WNT9B: variants seen among roughly 807,000 people sequenced by gnomAD.
WNT9B encodes Wnt family member 9B.
WNT9B carries 12 observed loss-of-function variants against 30.2 expected under a neutral mutation model. That is an observed-to-expected ratio of 0.40 (90% CI 0.26 to 0.64). The LOEUF (loss-of-function observed/expected upper bound fraction) is 0.64. WNT9B is among the 30% of genes least tolerant of loss of function. WNT9B has a pLI of 0.42. For synonymous variants in WNT9B, 218 were observed against 216.9 expected, an observed-to-expected ratio of 1.01 and a Z score of -0.05; for missense variants, 442 against 485.2, an observed-to-expected ratio of 0.91 and a Z score of 0.84.
intron 1 of WNT9B, among the ~76,000 whole-genome samples, chr17:46,842,188 C>A (rs997285161): frequency 6.6e-6 from 1 of 152,326 alleles, no homozygotes; most frequent in South Asian, 2.1e-4. Context: ...CAGGCCACTT[C>A]GCCTCTCTGT....
chr17:46,871,818 C>A (rs539772213), intron 1 of WNT9B, among the ~76,000 whole-genome samples: 1 of 152,338 alleles, frequency 6.6e-6, no homozygotes, highest in East Asian at 1.9e-4. Context: ...TCTAACCATC[C>A]ATCAGTCCTT....
At chr17:46,871,687 A>C (rs1255638630) in intron 1 of WNT9B, among the ~76,000 whole-genome samples, 1 of 152,222 alleles carries the variant, frequency 6.6e-6, no homozygotes, top group East Asian at 1.9e-4. Flanking sequence ...TCAAGATTGC[A>C]TAGCTAGAAC....
At chr17:46,859,961 T>C (rs962590269) in intron 1 of WNT9B, among the ~76,000 whole-genome samples, 2 of 152,236 alleles carry the variant, frequency 1.3e-5, no homozygotes, top group Admixed American at 1.3e-4. Flanking sequence ...ATTGTTTTTA[T>C]TTTTAATAAA....
intron 1 of WNT9B, among the ~76,000 whole-genome samples, chr17:46,835,060 T>A (rs1237797606): frequency 6.6e-6 from 1 of 152,186 alleles, no homozygotes; most frequent in African/African-American, 2.4e-5. Flanking sequence ...AGTAGTGCGA[T>A]CAGTGCTCAC....
chr17:46,876,832 G>A lies in WNT9B; in HGVS notation c.*114G>A. 1 of 1,437,418 alleles carries A rather than the reference G, an allele frequency of 7.0e-7. No homozygotes were observed. Among genetic ancestry groups the A allele is most frequent in the Non-Finnish European group, 9.2e-7 (1 of 1,091,300 alleles). The allele number at this position is 1,437,418 out of a possible 1,614,324, so 89.0% of individuals were successfully genotyped here. On this transcript the variant is annotated 3_prime_UTR_variant, in exon 4 of 4. Transcript: ENST00000290015. ...ATCACATGCATGCATAAACCGGCAT[G>A]TGTGCCAATGCACACGAGTGTGCCA...
intron 1 of WNT9B, among the ~76,000 whole-genome samples, chr17:46,837,589 T>C (rs544578392): frequency 6.6e-6 from 1 of 152,310 alleles, no homozygotes; most frequent in African/African-American, 2.4e-5. Flanking sequence ...TCCGAGGTCA[T>C]AGTCCTAATA....
At position 46,872,888 on chromosome 17, in the gene WNT9B, C is replaced by A. The variant is rs190718731; in HGVS notation, c.334+115C>A. The stretch of plus-strand genomic sequence containing the variant: ...TGGCTCCCGTGCCCAGGCCACACTG[C>A]CCTTCCTGCCCTAGCACGGTCCCAA... On this transcript the variant is annotated intron_variant, in intron 2 of 3. Coordinates refer to ENST00000290015, the MANE Select transcript of WNT9B (RefSeq NM_003396.3). 574 of 1,231,114 alleles carry A rather than the reference C, an allele frequency of 4.7e-4. No individual in the cohort carries two copies. In the African/African-American group the frequency reaches 7.9e-3, roughly 17 times the overall value. 76.3% of individuals were successfully genotyped at this position (1,231,114 alleles called of 1,614,324 possible). A position where few individuals can be genotyped will look rare whatever the true frequency, so the allele number is the denominator to read the frequency against.
chr17:46,879,211 C>T lies in WNT9B; in HGVS notation c.*2493C>T, dbSNP rs1434428955. 5.9e-5 allele frequency among the ~76,000 whole-genome samples: 9 copies of T among 152,278 alleles called. No individual in the cohort carries two copies. The highest frequency in any genetic ancestry group is 5.8e-4 in the East Asian group (3 of 5,184). The stretch of plus-strand genomic sequence containing the variant: ...CACAGGTGGGGTTTGTGTATTTTCC[C>T]GGAAACCCTCTGTCTGGGGAGATAC... On this transcript the variant is annotated 3_prime_UTR_variant, in exon 4 of 4. Transcript: ENST00000290015.
intron 1 of WNT9B, among the ~76,000 whole-genome samples, chr17:46,836,988 GC>G (rs2146514763): frequency 6.6e-6 from 1 of 152,126 alleles, no homozygotes; most frequent in East Asian, 1.9e-4. Flanking sequence ...TGTCGCCCAG[GC>G]TGTAGTGCAG....
chr17:46,840,028 TTTCTTTTC>T (rs1448435346), intron 1 of WNT9B, among the ~76,000 whole-genome samples: 3 of 140,508 alleles, frequency 2.1e-5, no homozygotes, highest in Non-Finnish European at 4.7e-5. Flanking sequence ...TCTTTCTTTC[TTTCTTTTC>T]TTTCTTTCTT....
At chr17:46,838,045 A>G (rs2084654315) in intron 1 of WNT9B, among the ~76,000 whole-genome samples, 1 of 152,140 alleles carries the variant, frequency 6.6e-6, no homozygotes, top group Non-Finnish European at 1.5e-5. Context: ...CCATTGCTCC[A>G]ACCCCTGTGT....
chr17:46,835,473 A>T (rs926220023), intron 1 of WNT9B, among the ~76,000 whole-genome samples: 3 of 152,042 alleles, frequency 2.0e-5, no homozygotes, highest in Non-Finnish European at 2.9e-5. Flanking sequence ...GGCCTCTCAA[A>T]GTGCTGGGAT....
chr17:46,848,105 C>T (rs1292940651), upstream of WNT9B, among the ~76,000 whole-genome samples: 3 of 152,094 alleles, frequency 2.0e-5, no homozygotes, highest in Admixed American at 2.0e-4. Context: ...AAGAATGCTT[C>T]TCTTGCATAC....
chr17:46,869,924 G>A (rs558211760), intron 1 of WNT9B, among the ~76,000 whole-genome samples: 6 of 152,076 alleles, frequency 3.9e-5, no homozygotes, highest in East Asian at 3.9e-4. Context: ...GCTTGAACCC[G>A]GGAAGTGGAG....
upstream of WNT9B, chr17:46,851,571 G>T: frequency 1.1e-6 from 1 of 877,802 alleles, no homozygotes; most frequent in South Asian, 4.7e-5. The surrounding 1 kb of genome is among the most constrained non-coding windows in gnomAD (Gnocchi z 4.3). Flanking sequence ...TCCCGCGGGC[G>T]GGTGGTGGCG....
intron 1 of WNT9B, among the ~76,000 whole-genome samples, chr17:46,836,173 C>G (rs1316984135): frequency 6.7e-6 from 1 of 148,610 alleles, no homozygotes; most frequent in Non-Finnish European, 1.5e-5. Flanking sequence ...AATAACACCT[C>G]ACCACAGATC....
At chr17:46,849,251 T>G (rs2084811372), upstream of WNT9B, among the ~76,000 whole-genome samples, 1 of 152,236 alleles carries the variant, frequency 6.6e-6, no homozygotes, top group South Asian at 2.1e-4. Flanking sequence ...CTTGGGTGCT[T>G]CTTCCAGTCT....
At position 46,838,310 on chromosome 17, in the gene WNT9B, CG is replaced by C. The variant is rs1312369990; in HGVS notation, c.95+4874del. On this transcript the variant is annotated intron_variant, in intron 1 of 2. Coordinates refer to the WNT9B transcript ENST00000575372. ...GGTCAGTGGATCAGAAGAGATAGAA[CG>C]GGGCCTGCCTTAAAAAAAAAAAAAA... Among the ~76,000 whole-genome samples, 25 of 146,748 alleles carry C rather than the reference CG, an allele frequency of 1.7e-4. No homozygotes were observed. In the East Asian group the frequency reaches 4.9e-3, roughly 29 times the overall value.
chr17:46,835,404 G>A (rs1353955140), intron 1 of WNT9B, among the ~76,000 whole-genome samples: 2 of 151,966 alleles, frequency 1.3e-5, no homozygotes, highest in Admixed American at 1.3e-4. Flanking sequence ...TTAGAGACAG[G>A]GTTTCACCGT....
Sources: allele counts gnomAD v4.1 joint callset (sites outside exome capture counted in the v4.1 genomes callset), GRCh38; gene constraint gnomAD v4.1.1; non-coding constraint Gnocchi (gnomAD v3.1); transcripts MANE v1.5; gene names NCBI Gene and HGNC (gene_info 2026-07-23, HGNC 2026-07-21).